NCOA1: variants seen among roughly 807,000 people sequenced by gnomAD.
NCOA1 encodes the protein nuclear receptor coactivator 1.
A neutral mutation model predicts 150.9 loss-of-function variants in NCOA1; 35 were observed. The ratio of observed to expected loss-of-function variants is 0.23; its 90% CI spans 0.18 to 0.31. NCOA1 has a LOEUF of 0.31. Ranked by LOEUF, NCOA1 falls within the 10% of genes least tolerant of loss-of-function variation. The pLI, the probability that NCOA1 is intolerant of heterozygous loss-of-function variation, is 1.00. For synonymous variants in NCOA1, 590 were observed against 630.0 expected (o/e 0.94, Z 0.95); for missense variants, 1,491 against 1,749.3 (o/e 0.85, Z 2.63).
chr2:24,746,225 G>T (rs1408937263), intron 19 of NCOA1, among the ~76,000 whole-genome samples: 1 of 152,148 alleles, frequency 6.6e-6, no homozygotes, highest in East Asian at 1.9e-4. Flanking sequence ...GCTAGTTATG[G>T]TTGGTCTAGC....
intron 16 of NCOA1, 118 bp downstream of exon 16, chr2:24,728,594 C>T: frequency 1.3e-6 from 1 of 750,598 alleles, no homozygotes; most frequent in South Asian, 3.2e-5. Flanking sequence ...TAATTTACCT[C>T]TTGTGAAACT....
intron 1 of NCOA1, among the ~76,000 whole-genome samples, chr2:24,547,248 A>G (rs1234266702): frequency 6.6e-6 from 1 of 152,188 alleles, no homozygotes; most frequent in Admixed American, 6.5e-5. Context: ...ATAAATCTCA[A>G]ATTAAAATTA....
At chr2:24,565,818 G>T (rs1389402691) in intron 2 of NCOA1, among the ~76,000 whole-genome samples, 2 of 152,166 alleles carry the variant, frequency 1.3e-5, no homozygotes, top group Admixed American at 6.5e-5. Flanking sequence ...CCAGGCATCA[G>T]CACGGGCGCT....
At chr2:24,696,113 A>G (rs1011853201) in intron 10 of NCOA1, among the ~76,000 whole-genome samples, 14 of 152,210 alleles carry the variant, frequency 9.2e-5, no homozygotes, top group African/African-American at 3.1e-4. Flanking sequence ...TTCTTAAATG[A>G]CAAAATTTCC....
intron 1 of NCOA1, among the ~76,000 whole-genome samples, chr2:24,506,480 G>C (rs1311352478): frequency 3.9e-5 from 6 of 152,100 alleles, no homozygotes; most frequent in Admixed American, 3.9e-4. Context: ...GAAGGCTATA[G>C]AACTTTGGGA....
At chr2:24,517,027 CA>C (rs1266547112) in intron 1 of NCOA1, among the ~76,000 whole-genome samples, 11 of 67,222 alleles carry the variant, frequency 1.6e-4, no homozygotes, top group Non-Finnish European at 2.8e-4. Context: ...CACACACACA[CA>C]CCCCATTTTG....
intron 1 of NCOA1, among the ~76,000 whole-genome samples, chr2:24,541,809 T>C (rs1257623839): frequency 2.0e-5 from 3 of 152,192 alleles, no homozygotes; most frequent in Admixed American, 2.0e-4. Flanking sequence ...TCAGAAGTTC[T>C]AAAGAAGATA....
rs80014486 is a variant in NCOA1, at chr2:24,596,488, T to C, written c.-175+11928T>C. 9.2e-3 allele frequency among the ~76,000 whole-genome samples: 1,397 copies of C among 152,198 alleles called. 10 individuals are homozygous for C. Among genetic ancestry groups the C allele is most frequent in the Non-Finnish European group, 0.013 (872 of 67,968 alleles). The stretch of plus-strand genomic sequence containing the variant: ...TTAAAGAAATCTCCTAATTTAAATA[T>C]AGGACCAAAGCCCAAAAAAAATCTT... On this transcript the variant is annotated intron_variant, in intron 3 of 22. Coordinates refer to ENST00000348332, the MANE Select transcript of NCOA1 (RefSeq NM_003743.5).
chr2:24,744,601 G>A (rs573945543), intron 19 of NCOA1, among the ~76,000 whole-genome samples: 1 of 152,278 alleles, frequency 6.6e-6, no homozygotes, highest in African/African-American at 2.4e-5. Context: ...ACAGTTTATT[G>A]TGGCTTAAGG....
intron 22 of NCOA1, among the ~76,000 whole-genome samples, chr2:24,767,126 A>G (rs1158628937): frequency 1.3e-5 from 2 of 152,180 alleles, no homozygotes; most frequent in Non-Finnish European, 2.9e-5. Flanking sequence ...TGCATACCAC[A>G]TTTGACATTT....
intron 3 of NCOA1, among the ~76,000 whole-genome samples, chr2:24,620,190 C>A (rs1454121651): frequency 6.6e-6 from 1 of 152,132 alleles, no homozygotes; most frequent in East Asian, 1.9e-4. Flanking sequence ...AGACTCAGTT[C>A]ATCTTGCAAT....
chr2:24,541,985 A>T (rs967020689), intron 1 of NCOA1, among the ~76,000 whole-genome samples: 4 of 152,242 alleles, frequency 2.6e-5, no homozygotes, highest in Non-Finnish European at 5.9e-5. Context: ...AAACAAAATC[A>T]TTAATATTGA....
intron 17 of NCOA1, among the ~76,000 whole-genome samples, chr2:24,735,816 C>T (rs1663270338): frequency 6.6e-6 from 1 of 152,136 alleles, no homozygotes; most frequent in African/African-American, 2.4e-5. Flanking sequence ...GCTTACTCCT[C>T]AAATAAGCAA....
intron 3 of NCOA1, among the ~76,000 whole-genome samples, chr2:24,636,456 A>T (rs545357600): frequency 6.6e-6 from 1 of 152,178 alleles, no homozygotes; most frequent in Non-Finnish European, 1.5e-5. Context: ...CACTTATTGC[A>T]TTCAACTTTG....
chr2:24,539,491 A>T (rs1665302397), intron 1 of NCOA1, among the ~76,000 whole-genome samples: 1 of 152,114 alleles, frequency 6.6e-6, no homozygotes, highest in African/African-American at 2.4e-5. Flanking sequence ...TAGATCATAG[A>T]GGGCTTTGCA....
chr2:24,762,960 A>G (rs956344442), intron 22 of NCOA1, among the ~76,000 whole-genome samples, 184 bp downstream of exon 22: 2 of 152,216 alleles, frequency 1.3e-5, no homozygotes, highest in African/African-American at 4.8e-5. Context: ...GTATAACCAC[A>G]GAACTAACAT....
intron 19 of NCOA1, among the ~76,000 whole-genome samples, chr2:24,745,644 A>T (rs372104471): frequency 1.3e-5 from 2 of 152,172 alleles, no homozygotes; most frequent in African/African-American, 4.8e-5. Flanking sequence ...GGTTTCAGGG[A>T]CCTTTACATG....
intron 19 of NCOA1, among the ~76,000 whole-genome samples, chr2:24,749,032 A>G (rs1181204120): frequency 6.6e-6 from 1 of 152,234 alleles, no homozygotes; most frequent in African/African-American, 2.4e-5. Flanking sequence ...TGTCAGGAAA[A>G]AAAGAAAGAA....
chr2:24,642,007 C>CGTGT lies in NCOA1; in HGVS notation c.-174-1931_-174-1928dup, dbSNP rs58991961. ...GGTATTGCCAGCAGATTACAGAGGG[C>CGTGT]GTGTGTGTGTGTGTGTGTGTGTGTG... On this transcript the variant is annotated intron_variant, in intron 3 of 22. Transcript: ENST00000348332. 6.7e-3 allele frequency among the ~76,000 whole-genome samples: 967 copies of CGTGT among 145,014 alleles called. 10 individuals carry two copies. Among genetic ancestry groups the CGTGT allele is most frequent in the East Asian group, 0.011 (56 of 5,074 alleles).
Sources: gnomAD v4.1 joint callset for allele counts (sites outside exome capture counted in the v4.1 genomes callset) on GRCh38, gnomAD v4.1.1 for gene constraint, MANE v1.5 for transcripts, NCBI Gene and HGNC (gene_info 2026-07-23, HGNC 2026-07-21) for gene names.